The following RIN2 variants were observed in gnomAD, a reference collection of about 807,000 sequenced individuals.
RIN2 encodes the protein Ras and Rab interactor 2.
Under a neutral mutation model 78.0 loss-of-function variants are expected in RIN2, and 36 were observed. The ratio of observed to expected loss-of-function variants is 0.46; its 90% CI spans 0.35 to 0.61. The LOEUF (loss-of-function observed/expected upper bound fraction) is 0.61. Ranked by LOEUF, RIN2 falls within the 20% of genes least tolerant of loss-of-function variation. RIN2 has a pLI of 0.00. For synonymous variants in RIN2, 466 were observed against 466.8 expected (o/e 1.00, Z 0.02); for missense variants, 1,087 against 1,159.7 (o/e 0.94, Z 0.91).
intron 9 of RIN2, among the ~76,000 whole-genome samples, chr20:19,981,820 GCCAACAATA>G (rs2042463138): frequency 6.6e-6 from 1 of 152,102 alleles, no homozygotes; most frequent in Admixed American, 6.5e-5. Flanking sequence ...AGTGTGCATG[GCCAACAATA>G]CTTAAAACCA....
At chr20:19,948,728 C>T (rs933053396) in intron 4 of RIN2, among the ~76,000 whole-genome samples, 9 of 152,118 alleles carry the variant, frequency 5.9e-5, no homozygotes, top group Non-Finnish European at 1.2e-4. Flanking sequence ...TCCAGTTTCT[C>T]GGGAACACTC....
chr20:19,767,505 C>G (rs962761748), intron 1 of RIN2, among the ~76,000 whole-genome samples: 1 of 152,146 alleles, frequency 6.6e-6, no homozygotes, highest in Non-Finnish European at 1.5e-5. Context: ...TCTGGCTAGC[C>G]TCAGGGAGGA....
chr20:19,840,320 G>A (rs145067103), intron 2 of RIN2, among the ~76,000 whole-genome samples: 277 of 152,264 alleles, frequency 1.8e-3, no homozygotes, highest in African/African-American at 6.2e-3. Flanking sequence ...CAGTGGCCAC[G>A]CTCAGCACTG....
chr20:19,809,288 C>T (rs2035512124), intron 2 of RIN2: 1 of 152,424 alleles, frequency 6.6e-6, no homozygotes, highest in Non-Finnish European at 1.5e-5. Flanking sequence ...CGCTTGCAGG[C>T]AAAGAAGGCT....
chr20:19,821,676 C>G (rs758536870), intron 2 of RIN2, among the ~76,000 whole-genome samples: 4 of 152,106 alleles, frequency 2.6e-5, no homozygotes, highest in African/African-American at 7.2e-5. Flanking sequence ...CTCTCTCTCT[C>G]TGCCTGGAAT....
At chr20:19,959,848 G>A (rs1354366533) in intron 5 of RIN2, among the ~76,000 whole-genome samples, 1 of 152,184 alleles carries the variant, frequency 6.6e-6, no homozygotes, top group Non-Finnish European at 1.5e-5. Context: ...GGTGAATGGT[G>A]CCTCCTGGAG....
At chr20:19,841,065 G>C (rs895832380) in intron 2 of RIN2, among the ~76,000 whole-genome samples, 1 of 151,928 alleles carries the variant, frequency 6.6e-6, no homozygotes, top group Non-Finnish European at 1.5e-5. Context: ...TTAACTACCC[G>C]GCAAGGACTT....
intron 3 of RIN2, among the ~76,000 whole-genome samples, chr20:19,933,886 G>A (rs2040529845): frequency 6.6e-6 from 1 of 152,120 alleles, no homozygotes; most frequent in Non-Finnish European, 1.5e-5. Context: ...TTGGCTCACT[G>A]CAACCTCCAT....
chr20:19,822,052 G>A (rs6112595), intron 2 of RIN2, among the ~76,000 whole-genome samples: 1 of 152,094 alleles, frequency 6.6e-6, no homozygotes, highest in Non-Finnish European at 1.5e-5. Context: ...CCCACTTTTT[G>A]GAAGATATTT....
At chr20:19,886,843 G>A (rs993333929) in intron 2 of RIN2, 1 of 974,052 alleles carries the variant, frequency 1.0e-6, no homozygotes, top group African/African-American at 1.7e-5. Context: ...AGCTGCTGGG[G>A]TGACATCTGT....
At chr20:19,916,898 C>T (rs935627860) in intron 3 of RIN2, among the ~76,000 whole-genome samples, 1 of 152,124 alleles carries the variant, frequency 6.6e-6, no homozygotes, top group Non-Finnish European at 1.5e-5. Context: ...GCTTGATATA[C>T]AGATCCTGGC....
intron 3 of RIN2, among the ~76,000 whole-genome samples, chr20:19,933,909 A>G (rs951002346): frequency 6.6e-6 from 1 of 152,128 alleles, no homozygotes; most frequent in African/African-American, 2.4e-5. Context: ...CCTGGGTTCA[A>G]GTGATTCTCC....
intron 12 of RIN2, among the ~76,000 whole-genome samples, chr20:19,998,409 CA>C (rs2043038900): frequency 6.6e-6 from 1 of 152,006 alleles, no homozygotes. Context: ...CCAGCCTTGG[CA>C]ACAAAGTGAG....
At chr20:19,835,085 GAGAA>G (rs1405612978) in intron 2 of RIN2, among the ~76,000 whole-genome samples, 5 of 134,160 alleles carry the variant, frequency 3.7e-5, no homozygotes, top group Non-Finnish European at 8.3e-5. Context: ...GAGAAAGAAA[GAGAA>G]AAAGAAAGAA....
intron 2 of RIN2, among the ~76,000 whole-genome samples, chr20:19,850,061 C>T (rs1360755005): frequency 6.6e-6 from 1 of 152,190 alleles, no homozygotes; most frequent in Non-Finnish European, 1.5e-5. Context: ...CCATGCTGGG[C>T]TGCCGGCCTC....
chr20:19,776,091 TAA>T (rs10536281), intron 1 of RIN2, among the ~76,000 whole-genome samples: 25,151 of 152,132 alleles, frequency 0.17, 3,121 homozygotes, highest in African/African-American at 0.34. Context: ...AATAAAACTC[TAA>T]GTCCCCCAAC....
intron 6 of RIN2, among the ~76,000 whole-genome samples, chr20:19,961,502 G>GGGGAGGAGT (rs1295104208): frequency 6.6e-6 from 1 of 152,178 alleles, no homozygotes; most frequent in Non-Finnish European, 1.5e-5. Context: ...CACATCAAAG[G>GGGGAGGAGT]GGGAGGAGTG....
At chr20:19,996,920 G>A in intron 12 of RIN2, 78 bp downstream of exon 12, 1 of 1,402,876 alleles carries the variant, frequency 7.1e-7, no homozygotes, top group South Asian at 1.4e-5. Context: ...TCCCAGCTCA[G>A]AGGTCCCCAC....
intron 4 of RIN2, among the ~76,000 whole-genome samples, chr20:19,947,915 C>A (rs13039743): frequency 1.6e-4 from 25 of 152,158 alleles, no homozygotes; most frequent in African/African-American, 5.1e-4. Context: ...GAGAGTTCTC[C>A]ATACCTTGTG....
Sources: allele counts gnomAD v4.1 joint callset (sites outside exome capture counted in the v4.1 genomes callset), GRCh38; gene constraint gnomAD v4.1.1; transcripts MANE v1.5; gene names NCBI Gene and HGNC (gene_info 2026-07-23, HGNC 2026-07-21).